The following VAV2 variants were observed in gnomAD, a reference collection of about 807,000 sequenced individuals.
VAV2 encodes the protein vav guanine nucleotide exchange factor 2.
A neutral mutation model predicts 132.5 loss-of-function variants in VAV2; 67 were observed. The observed-to-expected ratio is 0.51, with a 90% CI of 0.42 to 0.62. VAV2 has a LOEUF of 0.62. Ranked by LOEUF, VAV2 falls within the 20% of genes least tolerant of loss-of-function variation. The probability of loss-of-function intolerance (pLI) is 0.00; values close to 1 mark genes in which losing one functional copy is unlikely to be tolerated. For missense variants in VAV2, 938 were observed against 1,153.6 expected, an observed-to-expected ratio of 0.81 and a Z score of 2.71; for synonymous variants, 492 against 443.5, an observed-to-expected ratio of 1.11 and a Z score of -1.37.
Position 133,834,425 on chromosome 9 carries a change from C to CA in VAV2, c.381-86dup. On this transcript the variant is annotated intron_variant, in intron 3 of 29. Coordinates refer to ENST00000371850, the MANE Select transcript of VAV2 (RefSeq NM_001134398.2). This position sits in a 1 kb window ranked among gnomAD's most constrained non-coding sequence, Gnocchi z 5.9. ...CCCAGCTGGACCCCACAGCAGAGCCCAGTGTGGCCCAGCCAGGAGCAAAGG... is the reference window on the plus strand; with the variant it reads ...CCCAGCTGGACCCCACAGCAGAGCCCAAGTGTGGCCCAGCCAGGAGCAAAGG... The CA allele has an allele frequency of 7.2e-7, 1 of 1,391,870 alleles. No individual in the cohort carries two copies. The highest frequency in any genetic ancestry group is 2.0e-5 in the Admixed American group (1 of 49,688). 86.2% of individuals were successfully genotyped at this position (1,391,870 alleles called of 1,614,324 possible).
chr9:133,988,737 C>T (rs1341262096), intron 1 of VAV2, among the ~76,000 whole-genome samples: 1 of 152,174 alleles, frequency 6.6e-6, no homozygotes, highest in African/African-American at 2.4e-5. Context: ...CCCTGGCCAA[C>T]ATAGTGAAAC....
chr9:133,975,341 C>G (rs1368769449), intron 1 of VAV2, among the ~76,000 whole-genome samples: 1 of 152,202 alleles, frequency 6.6e-6, no homozygotes, highest in Non-Finnish European at 1.5e-5. Flanking sequence ...TTATCTGCCT[C>G]TCTCCCTCCC....
At chr9:133,900,898 G>A (rs531498861) in intron 2 of VAV2, among the ~76,000 whole-genome samples, 10 of 151,828 alleles carry the variant, frequency 6.6e-5, no homozygotes, top group East Asian at 1.9e-4. Flanking sequence ...TCCCGGGTTC[G>A]TGCAATTCTC....
intron 18 of VAV2, among the ~76,000 whole-genome samples, 193 bp downstream of exon 18, chr9:133,784,124 C>T (rs894037319): frequency 2.0e-5 from 3 of 152,196 alleles, no homozygotes; most frequent in African/African-American, 4.8e-5. Flanking sequence ...AAGCGATTCG[C>T]CTGCCTCAGC....
rs1478599610 is a variant in VAV2 at position 133,802,626 on chromosome 9, T to C, written c.836+3455A>G. 6.6e-6 allele frequency among the ~76,000 whole-genome samples: 1 copy of C among 152,188 alleles called. No individual in the cohort carries two copies. The highest frequency in any genetic ancestry group is 1.5e-5 in the Non-Finnish European group (1 of 68,042). ...TGACAGACCCGTGGCCCGAGCTCCG[T>C]GGGTATTTGTGTGAGGATCATGTTT... On this transcript the variant is annotated intron_variant, in intron 9 of 29. Coordinates refer to ENST00000371850, the MANE Select transcript of VAV2 (RefSeq NM_001134398.2). This position sits in a 1 kb window ranked among gnomAD's most constrained non-coding sequence, Gnocchi z 5.8.
At chr9:133,797,202 T>C (rs949297718) in intron 10 of VAV2, among the ~76,000 whole-genome samples, 7 of 152,120 alleles carry the variant, frequency 4.6e-5, no homozygotes, top group Non-Finnish European at 8.8e-5. Context: ...AGACTTGCCC[T>C]GGGCCTGGGG....
At chr9:133,861,562 C>A in intron 2 of VAV2, 130 bp from the exon 3 acceptor site, 1 of 966,076 alleles carries the variant, frequency 1.0e-6, no homozygotes, top group Non-Finnish European at 1.5e-6. Flanking sequence ...GTAAGAAACA[C>A]GGCATAGCGT....
chr9:133,784,463 C>G, intron 17 of VAV2, 45 bp from the exon 18 acceptor site: 1 of 1,604,850 alleles, frequency 6.2e-7, no homozygotes, highest in Non-Finnish European at 8.5e-7. Context: ...ACTGGATTCC[C>G]CGAGCCCCAC....
At chr9:133,786,676 G>A (rs929658274) in intron 16 of VAV2, among the ~76,000 whole-genome samples, 6 of 152,246 alleles carry the variant, frequency 3.9e-5, no homozygotes, top group Admixed American at 6.5e-5. Flanking sequence ...AGCCATCCCC[G>A]ACTGAGCAAC....
chr9:133,780,147 G>A (rs1036182565), intron 20 of VAV2: 2 of 636,104 alleles, frequency 3.1e-6, no homozygotes, highest in Admixed American at 6.2e-5. Context: ...ACTCCTGGAA[G>A]GTCTGTGCCC....
At position 133,785,876 on chromosome 9, in the gene VAV2, C is replaced by T. The variant is rs186434110; in HGVS notation, c.1432G>A (p.Gly478Ser). The stretch of plus-strand genomic sequence containing the variant: ...CCTTGAAGGTGAATTAGGTAGAAGC[C>T]GTAGGACCACTGCAGGGGGGAGAGG... ...KKSHGKMWSY[G>S]FYLIHLQGKQ... The change falls in exon 17 of 30, where the codon GGC (glycine) becomes AGC (serine). Residue 478 changes from glycine to serine, a missense_variant. Coordinates refer to ENST00000371850, the MANE Select transcript of VAV2 (RefSeq NM_001134398.2). 1.2e-5 allele frequency: 20 copies of T among 1,613,326 alleles called. No homozygotes were observed. Among genetic ancestry groups the T allele is most frequent in the Admixed American group, 8.3e-5 (5 of 59,928 alleles).
intron 3 of VAV2, among the ~76,000 whole-genome samples, chr9:133,847,212 G>A (rs116172933): frequency 0.014 from 2,147 of 152,318 alleles, 51 homozygotes; most frequent in African/African-American, 0.048. Context: ...CTGGAGCGAC[G>A]TGCAGGGTTC....
intron 6 of VAV2, 47 bp from the exon 7 acceptor site, chr9:133,809,185 C>A: frequency 6.5e-7 from 1 of 1,529,126 alleles, no homozygotes; most frequent in Non-Finnish European, 9.0e-7. Context: ...GGCCCGGCCA[C>A]CTGCCACCTG....
At chr9:133,828,619 C>T (rs570528938) in intron 4 of VAV2, among the ~76,000 whole-genome samples, 1 of 152,366 alleles carries the variant, frequency 6.6e-6, no homozygotes, top group East Asian at 1.9e-4. Context: ...ACTGCAGTGC[C>T]ACCAAGTTGG....
At chr9:133,785,741 G>T in intron 17 of VAV2, 35 bp downstream of exon 17, 1 of 1,600,606 alleles carries the variant, frequency 6.2e-7, no homozygotes. Context: ...CAACTCATCT[G>T]CCAGGGACCT....
chr9:133,818,102 C>T (rs777650695), intron 4 of VAV2, among the ~76,000 whole-genome samples: 3 of 152,186 alleles, frequency 2.0e-5, no homozygotes, highest in Admixed American at 6.5e-5. Flanking sequence ...CGGCGGCTCA[C>T]GCCTGTAATC....
At chr9:133,964,465 T>C (rs1842083788) in intron 1 of VAV2, among the ~76,000 whole-genome samples, 2 of 152,192 alleles carry the variant, frequency 1.3e-5, no homozygotes, top group African/African-American at 2.4e-5. Flanking sequence ...TTTGCATGCG[T>C]ATGCTTTTTA....
At chr9:133,965,592 C>T (rs1463475807) in intron 1 of VAV2, among the ~76,000 whole-genome samples, 1 of 151,450 alleles carries the variant, frequency 6.6e-6, no homozygotes, top group Non-Finnish European at 1.5e-5. Context: ...GGTGAAAGAT[C>T]CCTACAAGAG....
At chr9:133,891,741 TGGAGGAGAGGCAG>T (rs1838973833) in intron 2 of VAV2, among the ~76,000 whole-genome samples, 1 of 18,836 alleles carries the variant, frequency 5.3e-5, no homozygotes, top group Non-Finnish European at 1.0e-4. Context: ...AGAGGAGGCA[TGGAGGAGAGGCAG>T]GGAGGGGGAG....
Sources: gnomAD v4.1 joint callset for allele counts (sites outside exome capture counted in the v4.1 genomes callset) on GRCh38, gnomAD v4.1.1 for gene constraint, Gnocchi (gnomAD v3.1) non-coding constraint, MANE v1.5 for transcripts, NCBI Gene and HGNC (gene_info 2026-07-23, HGNC 2026-07-21) for gene names.